Variants in TAMM41 observed in about 807,000 individuals in gnomAD.
The protein encoded by TAMM41 is TAM41 mitochondrial translocator assembly and maintenance homolog.
In TAMM41, 36 loss-of-function variants were observed where a neutral mutation model predicts 44.1. The observed-to-expected ratio is 0.82, with a 90% CI of 0.63 to 1.08. TAMM41 has a LOEUF of 1.08. TAMM41 is among the 50% of genes least tolerant of loss of function. The pLI, the probability that TAMM41 is intolerant of heterozygous loss-of-function variation, is 0.00. For missense variants in TAMM41, 417 were observed against 404.3 expected, an observed-to-expected ratio of 1.03 and a Z score of -0.27; for synonymous variants, 164 against 153.1, an observed-to-expected ratio of 1.07 and a Z score of -0.53.
the TAMM41 span, among the ~76,000 whole-genome samples, chr3:11,746,693 T>C: frequency 1.3e-5 from 2 of 152,174 alleles, no homozygotes; most frequent in East Asian, 1.9e-4. Context: ...CTATTGCTCA[T>C]GTTGGAGTGC....
downstream of TAMM41, among the ~76,000 whole-genome samples, chr3:11,786,080 A>G (rs1211863167): frequency 6.6e-6 from 1 of 151,242 alleles, no homozygotes; most frequent in Non-Finnish European, 1.5e-5. Context: ...TTTTTGAGAG[A>G]CAGAGTCTCG....
At chr3:11,761,183 C>A in the TAMM41 span, among the ~76,000 whole-genome samples, 2 of 148,898 alleles carry the variant, frequency 1.3e-5, no homozygotes, top group African/African-American at 4.9e-5. Context: ...AAAAAAAAAT[C>A]ATCTTCAGGT....
chr3:11,820,030 AT>A (rs1419941753), intron 4 of TAMM41, among the ~76,000 whole-genome samples: 1 of 152,018 alleles, frequency 6.6e-6, no homozygotes, highest in Non-Finnish European at 1.5e-5. Context: ...TTACTCTATA[AT>A]TTCCCCCCAT....
At chr3:11,842,908 A>G (rs2079515156) in intron 2 of TAMM41, among the ~76,000 whole-genome samples, 1 of 152,156 alleles carries the variant, frequency 6.6e-6, no homozygotes, top group South Asian at 2.1e-4. Context: ...TTAGACCCCT[A>G]CTGATCCTTG....
chr3:11,793,211 A>T (rs897917931), intron 7 of TAMM41, among the ~76,000 whole-genome samples: 1 of 152,208 alleles, frequency 6.6e-6, no homozygotes, highest in Admixed American at 6.5e-5. Context: ...AAATGAGCAG[A>T]AGACTAGAAT....
At chr3:11,806,357 G>A (rs1294306987) in intron 7 of TAMM41, among the ~76,000 whole-genome samples, 1 of 152,112 alleles carries the variant, frequency 6.6e-6, no homozygotes, top group Non-Finnish European at 1.5e-5. Flanking sequence ...TCTGCTTGTG[G>A]GACGATGAAC....
At chr3:11,833,028 G>A (rs933802964) in intron 3 of TAMM41, 2 of 1,084,616 alleles carry the variant, frequency 1.8e-6, no homozygotes, top group Non-Finnish European at 2.3e-6. Context: ...CAGTTCGGAA[G>A]ATTCTGCTAC....
At chr3:11,728,780 G>A in the TAMM41 span, among the ~76,000 whole-genome samples, 3 of 152,106 alleles carry the variant, frequency 2.0e-5, no homozygotes, top group Non-Finnish European at 4.4e-5. Context: ...AGGCCGAGGC[G>A]GGCGGATCAC....
At chr3:11,814,494 G>A (rs9842727) in intron 5 of TAMM41, among the ~76,000 whole-genome samples, 3,051 of 151,510 alleles carry the variant, frequency 0.02, 99 homozygotes, top group African/African-American at 0.063. Flanking sequence ...TTTAATAAAC[G>A]AAGAGACGAG....
intron 3 of TAMM41, among the ~76,000 whole-genome samples, chr3:11,834,370 T>G (rs1357495078): frequency 2.0e-5 from 3 of 152,070 alleles, no homozygotes; most frequent in Non-Finnish European, 2.9e-5. Context: ...TCTTAAAAAC[T>G]CAAGCACAAT....
chr3:11,806,676 T>A (rs749626247), intron 7 of TAMM41, among the ~76,000 whole-genome samples: 59 of 152,190 alleles, frequency 3.9e-4, no homozygotes, highest in Non-Finnish European at 4.4e-4. Flanking sequence ...GGGACAAAAT[T>A]AAAGAAAAAA....
intron 6 of TAMM41, chr3:11,808,120 C>T (rs113091730): frequency 1.5e-5 from 16 of 1,048,066 alleles, no homozygotes; most frequent in South Asian, 7.9e-5. Flanking sequence ...GAGTCCAAGC[C>T]GATGACCGAA....
chr3:11,806,237 A>T (rs995833958), intron 7 of TAMM41, among the ~76,000 whole-genome samples: 1 of 152,230 alleles, frequency 6.6e-6, no homozygotes, highest in African/African-American at 2.4e-5. Context: ...CAGCTGGCAC[A>T]TGAGAGATGC....
chr3:11,833,228 T>G, intron 3 of TAMM41: 1 of 1,136,032 alleles, frequency 8.8e-7, no homozygotes, highest in South Asian at 1.6e-5. Flanking sequence ...CTGAACTGCA[T>G]AGATAACATT....
chr3:11,731,804 T>C, the TAMM41 span, among the ~76,000 whole-genome samples: 1 of 152,090 alleles, frequency 6.6e-6, no homozygotes, highest in East Asian at 1.9e-4. Flanking sequence ...CTCCCCTGCC[T>C]GCCCCTCCTC....
chr3:11,817,501 T>C (rs2078331785), intron 4 of TAMM41, among the ~76,000 whole-genome samples, 164 bp from the exon 5 acceptor site: 1 of 152,202 alleles, frequency 6.6e-6, no homozygotes, highest in South Asian at 2.1e-4. Context: ...CCCCAAGAAA[T>C]GTGAGCACTT....
chr3:11,804,828 G>C (rs1191352053), intron 7 of TAMM41, among the ~76,000 whole-genome samples: 1 of 151,758 alleles, frequency 6.6e-6, no homozygotes, highest in Admixed American at 6.6e-5. Flanking sequence ...GTGCTACTAA[G>C]TCTTTGTTGA....
At chr3:11,725,509 G>A in the TAMM41 span, among the ~76,000 whole-genome samples, 5 of 149,416 alleles carry the variant, frequency 3.3e-5, no homozygotes, top group Non-Finnish European at 7.4e-5. Flanking sequence ...TACAATCTCA[G>A]CTCACTGCAG....
rs111482079 is a variant in TAMM41, at chr3:11,823,881, A to C, written c.562+5833T>G. ...TTACTCGGTCGCCAGGCTGGAGTGCAGTGGCATGATCTCGGCTCACTGCAA... is the reference window on the plus strand; with the variant it reads ...TTACTCGGTCGCCAGGCTGGAGTGCCGTGGCATGATCTCGGCTCACTGCAA... On this transcript the variant is annotated intron_variant, in intron 4 of 7. Transcript: ENST00000455809. Among the ~76,000 whole-genome samples the C allele has an allele frequency of 1.4e-5, 2 of 145,552 alleles. 1 individual carries two copies. Among genetic ancestry groups the C allele is most frequent in the African/African-American group, 5.2e-5 (2 of 38,776 alleles).
Sources: gnomAD v4.1 joint callset for allele counts (sites outside exome capture counted in the v4.1 genomes callset) on GRCh38, gnomAD v4.1.1 for gene constraint, MANE v1.5 for transcripts, NCBI Gene and HGNC (gene_info 2026-07-23, HGNC 2026-07-21) for gene names.